Variants in RBFOX1 observed in about 807,000 individuals in gnomAD.
RBFOX1 encodes the protein RNA binding fox-1 homolog 1.
In RBFOX1, 8 loss-of-function variants were observed where a neutral mutation model predicts 57.7. The observed-to-expected ratio is 0.14, with a 90% confidence interval of 0.08 to 0.25. The LOEUF is 0.25. RBFOX1 is among the 10% of genes least tolerant of loss of function. The pLI, the probability that RBFOX1 is intolerant of heterozygous loss-of-function variation, is 1.00. For missense variants in RBFOX1, 611 were observed against 548.5 expected, an observed-to-expected ratio of 1.11 and a Z score of -1.14; for synonymous variants, 326 against 222.4, an observed-to-expected ratio of 1.47 and a Z score of -4.15.
At chr16:6,234,529 G>C (rs58257967) in intron 1 of RBFOX1, among the ~76,000 whole-genome samples, 63,297 of 152,018 alleles carry the variant, frequency 0.42, 13,549 homozygotes, top group Middle Eastern at 0.53. Flanking sequence ...GTAGAAGTCT[G>C]AATGAAGGCT....
intron 3 of RBFOX1, among the ~76,000 whole-genome samples, chr16:5,759,185 C>T (rs753136329): frequency 6.6e-5 from 10 of 152,152 alleles, no homozygotes; most frequent in Admixed American, 2.0e-4. Flanking sequence ...TTCCTATCCA[C>T]GAAGGCAAGG....
At chr16:6,318,399 C>G (rs1319114766) in intron 2 of RBFOX1, among the ~76,000 whole-genome samples, 2 of 152,132 alleles carry the variant, frequency 1.3e-5, no homozygotes, top group East Asian at 1.9e-4. Flanking sequence ...CTGTTCAAAT[C>G]TATTTAGTGT....
chr16:7,227,746 C>G (rs1183918306), intron 4 of RBFOX1, among the ~76,000 whole-genome samples: 8 of 152,310 alleles, frequency 5.3e-5, no homozygotes, highest in Middle Eastern at 3.4e-3. Flanking sequence ...AGCACCTGGC[C>G]TAGGCACCCT....
At chr16:6,442,415 G>A (rs959898548) in intron 2 of RBFOX1, among the ~76,000 whole-genome samples, 4 of 151,968 alleles carry the variant, frequency 2.6e-5, no homozygotes, top group Non-Finnish European at 5.9e-5. Context: ...AAATTAGCTG[G>A]GCATGGTGGC....
intron 4 of RBFOX1, among the ~76,000 whole-genome samples, chr16:7,264,396 C>A: frequency 1.3e-5 from 2 of 152,298 alleles, no homozygotes; most frequent in Admixed American, 1.3e-4. Context: ...CAGTCATCTC[C>A]AGCTTACAAC....
chr16:5,817,376 AT>A (rs2055681318), intron 3 of RBFOX1, among the ~76,000 whole-genome samples: 1 of 152,188 alleles, frequency 6.6e-6, no homozygotes, highest in Non-Finnish European at 1.5e-5. Flanking sequence ...TCTCACTGAT[AT>A]CCCATTCGTG....
intron 4 of RBFOX1, among the ~76,000 whole-genome samples, chr16:5,877,333 T>C (rs1169288791): frequency 6.6e-6 from 1 of 152,260 alleles, no homozygotes; most frequent in Non-Finnish European, 1.5e-5. Flanking sequence ...CACTTTTTTC[T>C]GCTCTCAAGG....
intron 4 of RBFOX1, among the ~76,000 whole-genome samples, chr16:7,433,987 C>T (rs190772597): frequency 9.9e-4 from 150 of 152,118 alleles, no homozygotes; most frequent in Admixed American, 3.4e-3. Context: ...TTTGTGAGAA[C>T]GATGAGAGGG....
At chr16:5,625,478 C>T (rs1369943197) in intron 3 of RBFOX1, among the ~76,000 whole-genome samples, 2 of 152,258 alleles carry the variant, frequency 1.3e-5, no homozygotes, top group East Asian at 3.9e-4. Flanking sequence ...CTGCACCGTT[C>T]TTCATAACCA....
chr16:7,597,450 T>C lies in RBFOX1; in HGVS notation c.622+19T>C, dbSNP rs754746658. 6.4e-7 allele frequency: 1 copy of C among 1,569,542 alleles called. No homozygotes were observed. Among genetic ancestry groups the C allele is most frequent in the East Asian group, 2.3e-5 (1 of 44,426 alleles). On this transcript the variant is annotated intron_variant, in intron 9 of 15. Coordinates refer to ENST00000550418, the MANE Select transcript of RBFOX1 (RefSeq NM_018723.4). ...ACAAATGGTAAGTAGAGATTGGCCT[T>C]TTACAAGAAATTCTCTCTACTTCTG...
At chr16:6,125,349 G>C (rs143893897) in intron 1 of RBFOX1, among the ~76,000 whole-genome samples, 1 of 152,182 alleles carries the variant, frequency 6.6e-6, no homozygotes, top group Admixed American at 6.5e-5. Flanking sequence ...TTTCTCCCCT[G>C]TTGAGATAGG....
chr16:5,723,287 C>T (rs4414496), intron 3 of RBFOX1, among the ~76,000 whole-genome samples: 62,780 of 152,076 alleles, frequency 0.41, 15,546 homozygotes, highest in East Asian at 0.8. Flanking sequence ...TTTTCTCATT[C>T]GTCTGCCATT....
At chr16:7,267,644 C>T (rs1603462093) in intron 4 of RBFOX1, among the ~76,000 whole-genome samples, 1 of 151,924 alleles carries the variant, frequency 6.6e-6, no homozygotes, top group Admixed American at 6.6e-5. Context: ...CACTTGAGGT[C>T]AGGAGTTCGA....
At chr16:7,157,044 C>G (rs564788651) in intron 4 of RBFOX1, among the ~76,000 whole-genome samples, 1 of 152,194 alleles carries the variant, frequency 6.6e-6, no homozygotes, top group East Asian at 1.9e-4. Flanking sequence ...ACAAGGAGCT[C>G]TCCTGTTTTT....
intron 3 of RBFOX1, among the ~76,000 whole-genome samples, chr16:6,727,074 G>C (rs12448871): frequency 0.91 from 134,420 of 147,844 alleles, 62,496 homozygotes; most frequent in East Asian, 1. Context: ...CAGACACAGA[G>C]AGAGACACAC....
chr16:6,278,752 G>T (rs947095478), intron 1 of RBFOX1, among the ~76,000 whole-genome samples: 3 of 151,970 alleles, frequency 2.0e-5, no homozygotes, highest in South Asian at 2.1e-4. Flanking sequence ...AGTAGGTGGG[G>T]GGTTATTTTG....
At chr16:6,040,810 T>G (rs1451523301) in intron 1 of RBFOX1, among the ~76,000 whole-genome samples, 1 of 152,160 alleles carries the variant, frequency 6.6e-6, no homozygotes, top group South Asian at 2.1e-4. Flanking sequence ...GGCAGTCTGG[T>G]CTCAAACTCC....
In RBFOX1 at chr16:6,666,024, A is replaced by T. The variant is rs113906131; in HGVS notation, c.-16+11374A>T. ...CATGGTAGTGAATAAGTCTCCCGAG[A>T]TCTGATGGTTTTATAAGAGGAAACC... On this transcript the variant is annotated intron_variant, in intron 3 of 15. Coordinates refer to ENST00000550418, the MANE Select transcript of RBFOX1 (RefSeq NM_018723.4). 6.5e-3 allele frequency among the ~76,000 whole-genome samples: 995 copies of T among 152,154 alleles called. 12 individuals are homozygous for T. Among genetic ancestry groups the T allele is most frequent in the African/African-American group, 0.023 (943 of 41,510 alleles).
chr16:7,059,281 C>T (rs1568587722), intron 4 of RBFOX1, among the ~76,000 whole-genome samples: 2 of 152,270 alleles, frequency 1.3e-5, no homozygotes, highest in South Asian at 4.1e-4. Flanking sequence ...ATGTAAGCCC[C>T]CCTTCTCCCC....
Sources: allele counts gnomAD v4.1 joint callset (sites outside exome capture counted in the v4.1 genomes callset), GRCh38; gene constraint gnomAD v4.1.1; transcripts MANE v1.5; gene names NCBI Gene and HGNC (gene_info 2026-07-23, HGNC 2026-07-21).